The following RERG variants were observed in gnomAD, a reference collection of about 807,000 sequenced individuals.
RERG encodes ras-related and estrogen-regulated growth inhibitor.
RERG carries 25 observed loss-of-function variants against 23.2 expected under a neutral mutation model. The ratio of observed to expected loss-of-function variants is 1.08; its 90% CI spans 0.79 to 1.50. The LOEUF (loss-of-function observed/expected upper bound fraction) is 1.50, where lower values mean the gene tolerates loss of function less well. Among genes scored for constraint, RERG ranks in the 40% most tolerant of loss-of-function variants. The probability of loss-of-function intolerance (pLI) is 0.00; values close to 1 mark genes in which losing one functional copy is unlikely to be tolerated. For missense variants in RERG, 253 were observed against 250.1 expected (o/e 1.01, Z -0.08); for synonymous variants, 81 against 89.1 (o/e 0.91, Z 0.51).
At chr12:15,174,470 T>G (rs989141125) in intron 2 of RERG, among the ~76,000 whole-genome samples, 1 of 141,054 alleles carries the variant, frequency 7.1e-6, no homozygotes, top group South Asian at 2.2e-4. Context: ...ACTTGGAGTT[T>G]GTTGAGTGTG....
At chr12:15,168,514 T>G (rs761505362) in intron 2 of RERG, among the ~76,000 whole-genome samples, 2 of 152,320 alleles carry the variant, frequency 1.3e-5, no homozygotes, top group East Asian at 3.9e-4. Flanking sequence ...TGAGAGCACT[T>G]TGGAAATTCA....
chr12:15,174,684 C>A (rs567573559), intron 2 of RERG, among the ~76,000 whole-genome samples: 2 of 151,712 alleles, frequency 1.3e-5, no homozygotes, highest in Non-Finnish European at 2.9e-5. Context: ...TGGATAATAT[C>A]AATTGATCTA....
intron 2 of RERG, among the ~76,000 whole-genome samples, chr12:15,156,620 A>T (rs1403429903): frequency 6.6e-6 from 1 of 152,226 alleles, no homozygotes; most frequent in Non-Finnish European, 1.5e-5. Context: ...TGAAATTACT[A>T]GGTTCAGAAA....
intron 2 of RERG, among the ~76,000 whole-genome samples, chr12:15,196,507 C>T (rs10492167): frequency 2.6e-5 from 4 of 152,036 alleles, no homozygotes; most frequent in East Asian, 1.9e-4. Flanking sequence ...CCGTGTTCAA[C>T]GTCTAAGCCC....
chr12:15,119,238 G>A (rs1051124699), intron 3 of RERG, among the ~76,000 whole-genome samples: 13 of 152,138 alleles, frequency 8.5e-5, no homozygotes, highest in Non-Finnish European at 2.9e-5. Flanking sequence ...TATTCTTACT[G>A]AAGGAAGCCC....
chr12:15,155,138 G>T (rs1864503057), intron 2 of RERG: 1 of 152,110 alleles, frequency 6.6e-6, no homozygotes, highest in South Asian at 2.1e-4. Flanking sequence ...AGCAGGCATG[G>T]TGTTGAAGTA....
At chr12:15,192,774 G>A (rs747698073) in intron 2 of RERG, among the ~76,000 whole-genome samples, 2 of 151,802 alleles carry the variant, frequency 1.3e-5, no homozygotes, top group African/African-American at 4.8e-5. Context: ...CTTGTCTTTC[G>A]TGACCTTAAC....
chr12:15,120,705 T>C (rs1166047230), intron 3 of RERG, among the ~76,000 whole-genome samples: 1 of 152,206 alleles, frequency 6.6e-6, no homozygotes, highest in Non-Finnish European at 1.5e-5. Flanking sequence ...TTTCTGTTAC[T>C]CTTCTCAGGA....
At chr12:15,218,426 G>A (rs1387478095) in intron 1 of RERG, among the ~76,000 whole-genome samples, 1 of 149,970 alleles carries the variant, frequency 6.7e-6, no homozygotes, top group Non-Finnish European at 1.5e-5. Context: ...GGGCTGGAGT[G>A]GGGGTCATCT....
intron 3 of RERG, among the ~76,000 whole-genome samples, chr12:15,118,045 A>AT (rs146662623): frequency 0.13 from 20,002 of 151,990 alleles, 1,712 homozygotes; most frequent in South Asian, 0.25. Context: ...TAAGGAACTG[A>AT]TTTTTTTTAC....
At chr12:15,157,374 T>C (rs1029862655) in intron 2 of RERG, among the ~76,000 whole-genome samples, 3 of 152,200 alleles carry the variant, frequency 2.0e-5, no homozygotes, top group Non-Finnish European at 4.4e-5. Context: ...TATGACAAAA[T>C]GTCAAGAGGG....
At chr12:15,143,378 CAT>C (rs936071874) in intron 2 of RERG, among the ~76,000 whole-genome samples, 58 of 150,920 alleles carry the variant, frequency 3.8e-4, no homozygotes, top group African/African-American at 1.2e-3. Context: ...TATATACACA[CAT>C]GTGTGTTTAT....
intron 2 of RERG, among the ~76,000 whole-genome samples, chr12:15,163,909 C>CGGAGAGAGAGAGGAGAGTGGAGAGA (rs1565525100): frequency 1.3e-5 from 2 of 151,852 alleles, no homozygotes; most frequent in Non-Finnish European, 2.9e-5. Context: ...AGGGGTAGGG[C>CGGAGAGAGAGAGGAGAGTGGAGAGA]GGAGAGAGAG....
chr12:15,177,144 T>G (rs776505213), intron 2 of RERG, among the ~76,000 whole-genome samples: 4 of 152,242 alleles, frequency 2.6e-5, no homozygotes, highest in Non-Finnish European at 5.9e-5. Context: ...TGATAAGTTC[T>G]AGTTTCTTAA....
chr12:15,201,259 T>C (rs1865210912), intron 2 of RERG, among the ~76,000 whole-genome samples: 2 of 151,742 alleles, frequency 1.3e-5, no homozygotes, highest in South Asian at 4.1e-4. Flanking sequence ...ATTTGTCGAG[T>C]GTCTACAATG....
intron 2 of RERG, among the ~76,000 whole-genome samples, chr12:15,201,825 G>A (rs1306340668): frequency 6.6e-6 from 1 of 151,560 alleles, no homozygotes; most frequent in African/African-American, 2.4e-5. Context: ...TAAGATGGCT[G>A]TTTTCATCAG....
At chr12:15,123,377 T>C (rs943236614) in intron 2 of RERG, among the ~76,000 whole-genome samples, 35 of 151,618 alleles carry the variant, frequency 2.3e-4, no homozygotes, top group African/African-American at 8.5e-4. Context: ...CAATACTTTC[T>C]GAAGCTGTAG....
chr12:15,153,351 A>G (rs1864473458), intron 2 of RERG, among the ~76,000 whole-genome samples: 1 of 152,226 alleles, frequency 6.6e-6, no homozygotes, highest in East Asian at 1.9e-4. Context: ...AATATGAACC[A>G]GCAGTATAGG....
At chr12:15,205,534 G>A (rs979379004) in intron 2 of RERG, among the ~76,000 whole-genome samples, 6 of 152,048 alleles carry the variant, frequency 3.9e-5, no homozygotes, top group Non-Finnish European at 8.8e-5. Context: ...GTATGGCTGA[G>A]TCTTCCTTTA....
Sources: gnomAD v4.1 joint callset for allele counts (sites outside exome capture counted in the v4.1 genomes callset) on GRCh38, gnomAD v4.1.1 for gene constraint, MANE v1.5 for transcripts, NCBI Gene and HGNC (gene_info 2026-07-23, HGNC 2026-07-21) for gene names.